The following HECW2 variants were observed in gnomAD, a reference collection of about 807,000 sequenced individuals.
HECW2 encodes HECT, C2 and WW domain containing E3 ubiquitin protein ligase 2.
In HECW2, 61 loss-of-function variants were observed where a neutral mutation model predicts 175.2. That is an observed-to-expected ratio of 0.35 (90% confidence interval 0.28 to 0.43). The LOEUF is 0.43. Among genes scored for constraint, HECW2 ranks in the 20% least tolerant of loss-of-function variants. The pLI, the probability that HECW2 is intolerant of heterozygous loss-of-function variation, is 1.00. For synonymous variants in HECW2, 671 were observed against 731.0 expected, an observed-to-expected ratio of 0.92 and a Z score of 1.32; for missense variants, 1,524 against 2,000.5, an observed-to-expected ratio of 0.76 and a Z score of 4.54.
At chr2:196,422,867 C>A (rs947126322) in intron 2 of HECW2, among the ~76,000 whole-genome samples, 1 of 152,078 alleles carries the variant, frequency 6.6e-6, no homozygotes, top group Admixed American at 6.6e-5. Context: ...AGATGAAAAA[C>A]CTAATGCATT....
At chr2:196,451,760 G>A (rs144602003) in intron 1 of HECW2, among the ~76,000 whole-genome samples, 2,370 of 152,228 alleles carry the variant, frequency 0.016, 68 homozygotes, top group African/African-American at 0.054. Flanking sequence ...TTAGCCAGGC[G>A]TGGTGGCACA....
chr2:196,279,821 CCTT>C (rs1690120641), intron 14 of HECW2, among the ~76,000 whole-genome samples: 1 of 152,226 alleles, frequency 6.6e-6, no homozygotes, highest in Non-Finnish European at 1.5e-5. Flanking sequence ...AAACATGTCT[CCTT>C]CATTCCTGAC....
chr2:196,580,496 T>C (rs1690733557), intron 1 of HECW2, among the ~76,000 whole-genome samples: 1 of 152,144 alleles, frequency 6.6e-6, no homozygotes, highest in Non-Finnish European at 1.5e-5. Context: ...AAAAGACAAC[T>C]CTATTTTTTA....
At chr2:196,470,231 T>C (rs78961702) in intron 1 of HECW2, among the ~76,000 whole-genome samples, 38 of 152,212 alleles carry the variant, frequency 2.5e-4, no homozygotes, top group African/African-American at 8.2e-4. Flanking sequence ...CAAGCATCAA[T>C]TGCAGTGAGC....
chr2:196,366,970 A>C (rs1386419085), intron 2 of HECW2, among the ~76,000 whole-genome samples: 1 of 152,180 alleles, frequency 6.6e-6, no homozygotes, highest in Non-Finnish European at 1.5e-5. Context: ...GAAAGATGTA[A>C]AATTATTTTA....
At chr2:196,261,307 A>G (rs1689282933) in intron 17 of HECW2, among the ~76,000 whole-genome samples, 1 of 152,276 alleles carries the variant, frequency 6.6e-6, no homozygotes, top group Admixed American at 6.5e-5. Flanking sequence ...TAAATAATGC[A>G]TAAAAGATAT....
intron 13 of HECW2, among the ~76,000 whole-genome samples, chr2:196,294,148 G>T (rs371170392): frequency 3.3e-5 from 5 of 151,906 alleles, no homozygotes; most frequent in African/African-American, 1.2e-4. Flanking sequence ...AAACCTTACA[G>T]TCTTCATTTC....
At chr2:196,426,646 G>A (rs1695555680) in intron 2 of HECW2, among the ~76,000 whole-genome samples, 1 of 151,988 alleles carries the variant, frequency 6.6e-6, no homozygotes, top group South Asian at 2.1e-4. Flanking sequence ...AAATCAAGAA[G>A]GTGGTGAGCA....
intron 5 of HECW2, among the ~76,000 whole-genome samples, chr2:196,325,545 G>A (rs960604578): frequency 6.6e-6 from 1 of 152,172 alleles, no homozygotes; most frequent in Non-Finnish European, 1.5e-5. Flanking sequence ...CTAGGGCAAT[G>A]TAATTCGGCA....
At chr2:196,473,511 C>G (rs994291457) in intron 1 of HECW2, among the ~76,000 whole-genome samples, 3 of 152,194 alleles carry the variant, frequency 2.0e-5, no homozygotes, top group Non-Finnish European at 4.4e-5. Context: ...TCCAAGTAAC[C>G]TACATCCAGA....
At chr2:196,586,137 G>A (rs1441903546) in intron 1 of HECW2, among the ~76,000 whole-genome samples, 3 of 152,146 alleles carry the variant, frequency 2.0e-5, no homozygotes, top group Non-Finnish European at 4.4e-5. Flanking sequence ...CTATGCTTAT[G>A]ATATAAATGG....
intron 21 of HECW2, among the ~76,000 whole-genome samples, chr2:196,236,787 G>A (rs1688267781): frequency 6.6e-6 from 1 of 152,158 alleles, no homozygotes; most frequent in Non-Finnish European, 1.5e-5. Context: ...CCACCCTCAC[G>A]CATCATACCG....
In HECW2 at chr2:196,308,053, T is replaced by C. The variant is rs1200665032; in HGVS notation, c.2467A>G (p.Ile823Val). The C allele has an allele frequency of 6.3e-7, 1 of 1,594,346 alleles. No individual in the cohort carries two copies. Among genetic ancestry groups the C allele is most frequent in the Admixed American group, 1.7e-5 (1 of 59,564 alleles). Residue 823 changes from isoleucine to valine, a missense_variant, in exon 11 of 29, where the codon ATC becomes GTC. This residue lies in a region of HECW2 where 82 missense variants were observed against 124.4 expected (regional missense o/e 0.66). Coordinates refer to ENST00000644978, the MANE Select transcript of HECW2 (RefSeq NM_001348768.2). ...CTGTTTACGTGATCCACGTAGAAGA[T>C]CCTGCCGTGGCTGTCAATGCGTGCC... ...WEARIDSHGRIFYVDHVNRTT... is the reference protein window; with the variant it reads ...WEARIDSHGRVFYVDHVNRTT...
chr2:196,440,689 C>T (rs1185846203), intron 1 of HECW2, among the ~76,000 whole-genome samples: 1 of 152,068 alleles, frequency 6.6e-6, no homozygotes, highest in Non-Finnish European at 1.5e-5. Flanking sequence ...ATAAGAAAGA[C>T]ACATTTTCTT....
chr2:196,325,767 T>G (rs558933311), intron 5 of HECW2, among the ~76,000 whole-genome samples: 1 of 152,354 alleles, frequency 6.6e-6, no homozygotes, highest in East Asian at 1.9e-4. Context: ...TTTTCTGAAA[T>G]GTAAGTGCTA....
intron 1 of HECW2, among the ~76,000 whole-genome samples, chr2:196,438,180 A>G (rs1436793435): frequency 1.3e-5 from 2 of 152,182 alleles, no homozygotes; most frequent in Non-Finnish European, 2.9e-5. Context: ...GAGGAGACAT[A>G]GTACAGAGCA....
intron 20 of HECW2, among the ~76,000 whole-genome samples, chr2:196,241,363 C>A (rs1336097098): frequency 6.6e-6 from 1 of 152,154 alleles, no homozygotes; most frequent in Non-Finnish European, 1.5e-5. Flanking sequence ...TCAAGCAAGC[C>A]TTCCTGCAGG....
intron 1 of HECW2, among the ~76,000 whole-genome samples, chr2:196,534,171 G>T (rs757141678): frequency 1.3e-5 from 2 of 152,036 alleles, no homozygotes; most frequent in Admixed American, 1.3e-4. Context: ...TCCTTTACAA[G>T]ATCAGGTATT....
intron 3 of HECW2, among the ~76,000 whole-genome samples, chr2:196,334,925 C>T (rs1869798): frequency 0.91 from 139,188 of 152,182 alleles, 64,776 homozygotes; most frequent in Non-Finnish European, 0.99. Flanking sequence ...AGGTTTGCTG[C>T]AGGTCAGACA....
Sources: allele counts gnomAD v4.1 joint callset (sites outside exome capture counted in the v4.1 genomes callset), GRCh38; gene constraint gnomAD v4.1.1; regional missense constraint gnomAD v4.1.1; transcripts MANE v1.5; gene names NCBI Gene and HGNC (gene_info 2026-07-23, HGNC 2026-07-21).